The following MS4A13 variants were observed in gnomAD, a reference collection of about 807,000 sequenced individuals.
MS4A13 encodes membrane spanning 4-domains A13.
In MS4A13, 21 loss-of-function variants were observed where a neutral mutation model predicts 18.4. The observed-to-expected ratio is 1.14, with a 90% CI of 0.81 to 1.64. The LOEUF (loss-of-function observed/expected upper bound fraction) is 1.64. MS4A13 is among the 40% of genes most tolerant of loss of function. The pLI, the probability that MS4A13 is intolerant of heterozygous loss-of-function variation, is 0.00. For missense variants in MS4A13, 173 were observed against 176.8 expected, an observed-to-expected ratio of 0.98 and a Z score of 0.12; for synonymous variants, 62 against 57.2, an observed-to-expected ratio of 1.08 and a Z score of -0.38.
At chr11:60,518,753 T>C (rs2086654684) in intron 3 of MS4A13, among the ~76,000 whole-genome samples, 1 of 152,230 alleles carries the variant, frequency 6.6e-6, no homozygotes, top group Non-Finnish European at 1.5e-5. Flanking sequence ...GAATTGACCA[T>C]TGGATTTAGC....
intron 6 of MS4A13, among the ~76,000 whole-genome samples, chr11:60,531,881 C>T (rs1323250411): frequency 1.3e-5 from 2 of 152,150 alleles, no homozygotes; most frequent in Non-Finnish European, 2.9e-5. Flanking sequence ...TTTCCAAATA[C>T]AGTCACATTC....
intron 6 of MS4A13, among the ~76,000 whole-genome samples, chr11:60,533,646 C>T (rs1184023051): frequency 1.7e-5 from 1 of 60,316 alleles, no homozygotes; most frequent in Non-Finnish European, 3.1e-5. Context: ...GGCAGGCCAA[C>T]GTTCAGATTC....
intron 5 of MS4A13, among the ~76,000 whole-genome samples, chr11:60,526,532 T>C (rs943801236): frequency 2.0e-5 from 3 of 152,260 alleles, no homozygotes; most frequent in Non-Finnish European, 2.9e-5. Context: ...ACCAGTTTTA[T>C]AGTCTCTCAA....
chr11:60,525,083 A>T (rs890551594), intron 4 of MS4A13, 124 bp from the exon 5 acceptor site: 2 of 637,270 alleles, frequency 3.1e-6, no homozygotes, highest in African/African-American at 3.8e-5. Context: ...TTAATATTTA[A>T]TACTTCTAAG....
At chr11:60,516,611 G>T (rs1319749962) in intron 2 of MS4A13, among the ~76,000 whole-genome samples, 1 of 152,144 alleles carries the variant, frequency 6.6e-6, no homozygotes, top group Non-Finnish European at 1.5e-5. Flanking sequence ...TTTTGGCATA[G>T]AATGAAAACT....
chr11:60,527,400 C>CTGTGTGTGTG (rs1555024353), intron 5 of MS4A13, among the ~76,000 whole-genome samples: 56 of 84,010 alleles, frequency 6.7e-4, no homozygotes, highest in East Asian at 2.2e-3. Flanking sequence ...CTCTCTCTCT[C>CTGTGTGTGTG]TCTCTCTCTC....
At chr11:60,531,259 CCTGA>C (rs750411332) in intron 6 of MS4A13, among the ~76,000 whole-genome samples, 1 of 152,030 alleles carries the variant, frequency 6.6e-6, no homozygotes, top group African/African-American at 2.4e-5. Flanking sequence ...TCACTCCTAG[CCTGA>C]CTAAGATCAC....
chr11:60,528,634 G>A (rs1173635104), intron 5 of MS4A13, among the ~76,000 whole-genome samples: 1 of 152,168 alleles, frequency 6.6e-6, no homozygotes, highest in Non-Finnish European at 1.5e-5. Context: ...GGAATTGAAA[G>A]GGAGAGAATT....
chr11:60,542,299 A>AAAGGGAGG (rs951692741), intron 6 of MS4A13, among the ~76,000 whole-genome samples: 2 of 151,610 alleles, frequency 1.3e-5, no homozygotes, highest in Admixed American at 1.3e-4. Flanking sequence ...AAGAAAGAAG[A>AAAGGGAGG]AAGGGAGGAA....
intron 3 of MS4A13, among the ~76,000 whole-genome samples, chr11:60,518,938 G>A (rs1049137690): frequency 6.6e-5 from 10 of 152,174 alleles, no homozygotes; most frequent in Admixed American, 5.9e-4. Flanking sequence ...GATAGCTGGG[G>A]AAACTTGGCT....
At chr11:60,529,808 T>C (rs1288258198) in intron 6 of MS4A13, among the ~76,000 whole-genome samples, 1 of 152,242 alleles carries the variant, frequency 6.6e-6, no homozygotes, top group Admixed American at 6.5e-5. Context: ...GTCACATTCA[T>C]TTTTTGCAAT....
chr11:60,530,394 A>G (rs1439613325), intron 6 of MS4A13, among the ~76,000 whole-genome samples: 1 of 152,216 alleles, frequency 6.6e-6, no homozygotes, highest in African/African-American at 2.4e-5. Flanking sequence ...GAAGACTACT[A>G]TGATCAACAA....
chr11:60,532,375 A>C (rs2086776297), intron 6 of MS4A13, among the ~76,000 whole-genome samples: 1 of 152,212 alleles, frequency 6.6e-6, no homozygotes, highest in Non-Finnish European at 1.5e-5. Context: ...TCAAGGGGTC[A>C]GGGAGTTCCC....
intron 3 of MS4A13, 129 bp downstream of exon 3, chr11:60,518,341 T>C: frequency 1.4e-6 from 1 of 721,680 alleles, no homozygotes; most frequent in South Asian, 2.4e-5. Flanking sequence ...ATGTTGATAA[T>C]TTATTCAAAG....
At chr11:60,518,011 C>T in intron 2 of MS4A13, 61 bp from the exon 3 acceptor site, 1 of 1,311,660 alleles carries the variant, frequency 7.6e-7, no homozygotes, top group South Asian at 1.5e-5. Context: ...ATAGTTAACA[C>T]TTATTGGAAT....
chr11:60,531,842 A>G (rs1362654983), intron 6 of MS4A13, among the ~76,000 whole-genome samples: 1 of 152,180 alleles, frequency 6.6e-6, no homozygotes, highest in East Asian at 1.9e-4. Context: ...TTACCTTATT[A>G]TAACTTCATT....
rs1404924408 is a variant in MS4A13, at chr11:60,529,349, T to C, written c.307-16T>C. 2.0e-6 allele frequency: 3 copies of C among 1,481,668 alleles called. No homozygotes were observed. The highest frequency in any genetic ancestry group is 2.8e-6 in the Non-Finnish European group (3 of 1,079,556). The allele number at this position is 1,481,668 out of a possible 1,614,324, so 91.8% of individuals were successfully genotyped here. A position where few individuals can be genotyped will look rare whatever the true frequency, so the allele number is the denominator to read the frequency against. ...AGATAATAGCATTAAGATTTCTCCC[T>C]GTTTTTTGGTTATAGAAACTTGGGA... On this transcript the variant is annotated splice_polypyrimidine_tract_variant and intron_variant, in intron 5 of 6. Transcript: ENST00000378186.
intron 6 of MS4A13, among the ~76,000 whole-genome samples, chr11:60,529,672 T>C (rs749943762): frequency 2.9e-4 from 44 of 152,110 alleles, no homozygotes; most frequent in Non-Finnish European, 5.3e-4. Flanking sequence ...AAAAAGCATA[T>C]AGAGTAAAAA....
intron 6 of MS4A13, among the ~76,000 whole-genome samples, chr11:60,532,381 T>A (rs1386924410): frequency 1.3e-5 from 2 of 152,022 alleles, no homozygotes; most frequent in Admixed American, 1.3e-4. Flanking sequence ...GGTCAGGGAG[T>A]TCCCTTTCCG....
Sources: gnomAD v4.1 joint callset for allele counts (sites outside exome capture counted in the v4.1 genomes callset) on GRCh38, gnomAD v4.1.1 for gene constraint, MANE v1.5 for transcripts, NCBI Gene and HGNC (gene_info 2026-07-23, HGNC 2026-07-21) for gene names.